Variants in SYTL5 observed in about 807,000 individuals in gnomAD.
SYTL5 encodes synaptotagmin-like protein 5.
In SYTL5, 34 loss-of-function variants were observed where a neutral mutation model predicts 55.9. That is an observed-to-expected ratio of 0.61 (90% CI 0.46 to 0.81). SYTL5 has a LOEUF of 0.81. SYTL5 is among the 30% of genes least tolerant of loss of function. The pLI is 0.00. For synonymous variants in SYTL5, 221 were observed against 188.7 expected, an observed-to-expected ratio of 1.17 and a Z score of -1.40; for missense variants, 637 against 546.7, an observed-to-expected ratio of 1.17 and a Z score of -1.65.
intron 6 of SYTL5, among the ~76,000 whole-genome samples, chrX:38,080,413 A>G (rs1399266819): frequency 9.0e-6 from 1 of 111,311 alleles, no homozygotes; most frequent in African/African-American, 3.3e-5. Context: ...CTAGGTTCTC[A>G]TCTTTCTGCC....
Position 38,096,050 on chromosome X carries a change from A to C in SYTL5, c.962-84A>C. The stretch of plus-strand genomic sequence containing the variant: ...TCTGTGCCTAAAAAGAATTGAAATA[A>C]AGGTGAAACACTTGGAATAAAAAAT... On this transcript the variant is annotated intron_variant, in intron 8 of 16. Coordinates refer to ENST00000297875, the MANE Select transcript of SYTL5 (RefSeq NM_138780.3). The C allele has an allele frequency of 6.3e-6, 3 of 477,057 alleles. No homozygotes were observed. The Admixed American group carries it at 1.1e-4, about 17-fold the overall frequency. 39.3% of individuals were successfully genotyped at this position (477,057 alleles called of 1,213,427 possible).
intron 14 of SYTL5, among the ~76,000 whole-genome samples, chrX:38,121,232 C>T (rs1328625446): frequency 8.9e-6 from 1 of 111,876 alleles, no homozygotes; most frequent in Non-Finnish European, 1.9e-5. Context: ...ACCCCATGAT[C>T]CAATCACCTC....
At chrX:37,913,784 C>T in the SYTL5 span, among the ~76,000 whole-genome samples, 3 of 112,190 alleles carry the variant, frequency 2.7e-5, no homozygotes, top group East Asian at 2.8e-4. Flanking sequence ...AGTAGGATTA[C>T]GCCCTAGTTG....
the SYTL5 span, among the ~76,000 whole-genome samples, chrX:37,916,065 T>G: frequency 1.8e-5 from 2 of 111,395 alleles, no homozygotes; most frequent in Non-Finnish European, 3.8e-5. Flanking sequence ...AGGACTTTAC[T>G]TTTCAATTTT....
At chrX:37,952,091 G>A in the SYTL5 span, among the ~76,000 whole-genome samples, 1 of 111,363 alleles carries the variant, frequency 9.0e-6, no homozygotes, top group Non-Finnish European at 1.9e-5. Flanking sequence ...GGTGAGGAGG[G>A]AAAATCAAGG....
chrX:38,004,817 G>A (rs749682979), upstream of SYTL5, among the ~76,000 whole-genome samples: 15 of 110,991 alleles, frequency 1.4e-4, no homozygotes, highest in Non-Finnish European at 2.5e-4. Flanking sequence ...GAGGATTAAT[G>A]GGTACAAAAA....
chrX:38,097,808 C>G (rs1329370804), intron 9 of SYTL5, among the ~76,000 whole-genome samples: 12 of 107,560 alleles, frequency 1.1e-4, no homozygotes, highest in Admixed American at 4.0e-4. Context: ...ACTTACTCTA[C>G]AGTTATAGCT....
At chrX:38,095,966 TATC>T (rs1218281958) in intron 8 of SYTL5, among the ~76,000 whole-genome samples, 165 bp from the exon 9 acceptor site, 1 of 111,724 alleles carries the variant, frequency 9.0e-6, no homozygotes, top group Non-Finnish European at 1.9e-5. Context: ...AGAAGTATGT[TATC>T]ATAAACAGCA....
chrX:37,889,353 G>A, the SYTL5 span, among the ~76,000 whole-genome samples: 1 of 111,532 alleles, frequency 9.0e-6, no homozygotes, highest in African/African-American at 3.3e-5. Context: ...TTGCGTCGTG[G>A]TGTGGCCAGG....
In SYTL5 at chrX:38,110,534, G is replaced by A. The variant is rs190179297; in HGVS notation, c.1596+52G>A. On this transcript the variant is annotated intron_variant, in intron 13 of 16. Coordinates refer to ENST00000297875, the MANE Select transcript of SYTL5 (RefSeq NM_138780.3). ...TTATGCAATGAGACAAGTTATGAGC[G>A]AAATTGATGTCACAGACCTAAAGAA... is the stretch of plus-strand genomic sequence containing the variant. 18 of 976,792 alleles carry A rather than the reference G, an allele frequency of 1.8e-5. No homozygotes were observed. In the East Asian group the frequency reaches 4.1e-4, roughly 22 times the overall value. The allele number at this position is 976,792 out of a possible 1,213,427, so 80.5% of individuals were successfully genotyped here. A position where few individuals can be genotyped will look rare whatever the true frequency, so the allele number is the denominator to read the frequency against.
intron 1 of SYTL5, among the ~76,000 whole-genome samples, chrX:38,006,957 G>C (rs1486846588): frequency 9.0e-6 from 1 of 111,163 alleles, no homozygotes; most frequent in Non-Finnish European, 1.9e-5. Context: ...TTCTACTGAA[G>C]AGTGAGTGCC....
chrX:38,076,443 AG>A, intron 5 of SYTL5, 123 bp from the exon 6 acceptor site: 1 of 584,448 alleles, frequency 1.7e-6, no homozygotes, highest in Non-Finnish European at 2.6e-6. Flanking sequence ...AGAACCTCTC[AG>A]CCCTAAGGCT....
the SYTL5 span, among the ~76,000 whole-genome samples, chrX:37,939,994 G>C: frequency 9.1e-6 from 1 of 109,914 alleles, no homozygotes; most frequent in Non-Finnish European, 1.9e-5. Flanking sequence ...ACCATGCCCA[G>C]CTAATTTTTT....
At chrX:37,956,280 C>G in the SYTL5 span, among the ~76,000 whole-genome samples, 1 of 111,737 alleles carries the variant, frequency 8.9e-6, no homozygotes, top group Non-Finnish European at 1.9e-5. Context: ...TAATTTAGTT[C>G]ATTTTTATTT....
the SYTL5 span, among the ~76,000 whole-genome samples, chrX:37,901,104 TAG>T: frequency 9.0e-6 from 1 of 111,452 alleles, no homozygotes; most frequent in Non-Finnish European, 1.9e-5. Flanking sequence ...ATTGTATAAA[TAG>T]AGAGGACTAT....
At chrX:38,105,223 T>G (rs775937903) in intron 10 of SYTL5, among the ~76,000 whole-genome samples, 1 of 112,529 alleles carries the variant, frequency 8.9e-6, no homozygotes, top group Non-Finnish European at 1.9e-5. Context: ...GAGTTCATCA[T>G]GCTACTTGTG....
the SYTL5 span, among the ~76,000 whole-genome samples, chrX:37,985,455 T>G: frequency 9.0e-6 from 1 of 110,991 alleles, no homozygotes; most frequent in Admixed American, 9.6e-5. Context: ...AATAAAATAT[T>G]TAGGAATAAA....
upstream of SYTL5, among the ~76,000 whole-genome samples, chrX:38,005,593 C>T (rs1425937899): frequency 1.8e-5 from 2 of 110,899 alleles, no homozygotes; most frequent in African/African-American, 6.5e-5. Flanking sequence ...ATTAATAACA[C>T]ACTAGATGGG....
At chrX:38,110,742 A>G (rs979256684) in intron 13 of SYTL5, among the ~76,000 whole-genome samples, 1 of 111,961 alleles carries the variant, frequency 8.9e-6, no homozygotes, top group African/African-American at 3.2e-5. Context: ...TGACAGTCTC[A>G]TTGGATAACT....
Sources: gnomAD v4.1 joint callset for allele counts (sites outside exome capture counted in the v4.1 genomes callset) on GRCh38, gnomAD v4.1.1 for gene constraint, MANE v1.5 for transcripts, NCBI Gene and HGNC (gene_info 2026-07-23, HGNC 2026-07-21) for gene names.